Variants in COBL observed in about 807,000 individuals in gnomAD.
The protein encoded by COBL is protein cordon-bleu.
A neutral mutation model predicts 98.8 loss-of-function variants in COBL; 51 were observed. That is an observed-to-expected ratio of 0.52 (90% CI 0.41 to 0.65). The LOEUF (loss-of-function observed/expected upper bound fraction) is 0.65, where lower values mean the gene tolerates loss of function less well. Among genes scored for constraint, COBL ranks in the 30% least tolerant of loss-of-function variants. The pLI is 0.00. For synonymous variants in COBL, 634 were observed against 651.7 expected (o/e 0.97, Z 0.41); for missense variants, 1,617 against 1,617.5 (o/e 1.00, Z 0.01).
chr7:51,109,777 G>A (rs1002671503), intron 6 of COBL, among the ~76,000 whole-genome samples: 2 of 152,152 alleles, frequency 1.3e-5, no homozygotes, highest in Admixed American at 6.5e-5. Context: ...TGTATGTCTC[G>A]TGAGGGGAAG....
At chr7:51,291,747 C>A (rs1412509023) in intron 1 of COBL, among the ~76,000 whole-genome samples, 1 of 149,832 alleles carries the variant, frequency 6.7e-6, no homozygotes, top group Non-Finnish European at 1.5e-5. Flanking sequence ...GGCAACAAAT[C>A]GAGACTCCGT....
At chr7:51,289,616 A>T (rs1443836994) in intron 1 of COBL, among the ~76,000 whole-genome samples, 1 of 152,234 alleles carries the variant, frequency 6.6e-6, no homozygotes, top group Non-Finnish European at 1.5e-5. Flanking sequence ...CTCAGTCTCA[A>T]ACACTTCTGT....
At position 51,066,944 on chromosome 7, in the gene COBL, A is replaced by G. The variant is rs146940301; in HGVS notation, c.1096+18222T>C. Among the ~76,000 whole-genome samples the G allele has an allele frequency of 1.8e-3, 272 of 152,360 alleles. 1 individual carries two copies. Among genetic ancestry groups the G allele is most frequent in the African/African-American group, 6.3e-3 (262 of 41,576 alleles). On this transcript the variant is annotated intron_variant, in intron 7 of 12. Transcript: ENST00000265136. ...CTAACTATGGAAGACTATTCATTTA[A>G]ACAACTAACTGGCCATATTCTCTTT...
chr7:51,100,533 A>G (rs1795713912), intron 6 of COBL, among the ~76,000 whole-genome samples: 1 of 152,192 alleles, frequency 6.6e-6, no homozygotes, highest in South Asian at 2.1e-4. Flanking sequence ...CTGTAATAAT[A>G]ACGACATATT....
In COBL at chr7:51,193,494, T is replaced by A. The variant is rs756624787; in HGVS notation, c.341A>T (p.Gln114Leu). ...AGTATTTGGCTTAAAACTCAAAGGT[T>A]GTTGGGTTTCTGAAGACCGAATTTC... ...ALEIRSSETQ[Q>L]PLSFKPNTLI... The change falls in exon 3 of 13, where the codon CAA (glutamine) becomes CTA (leucine). Residue 114 changes from glutamine (Q) to leucine (L), a missense_variant. Physicochemically the swap from Gln to Leu is moderately radical, Grantham distance 113 (BLOSUM62 -2). Around this residue, in one of 3 missense-constraint regions of COBL, gnomAD observed 238 missense variants for 215.0 expected, o/e 1.11. Transcript: ENST00000265136. 1.9e-6 allele frequency: 3 copies of A among 1,614,204 alleles called. No homozygotes were observed. In the Admixed American group the frequency reaches 5.0e-5, roughly 27 times the overall value.
chr7:51,136,304 A>G lies in COBL; in HGVS notation c.811T>C (p.Ser271Pro), dbSNP rs142332711. The G allele has an allele frequency of 7.3e-5, 118 of 1,613,810 alleles. No individual in the cohort carries two copies. Among genetic ancestry groups the G allele is most frequent in the Non-Finnish European group, 9.7e-5 (115 of 1,180,000 alleles). ...KGCLTTPNSPSMHSRSLTLGP... is the reference protein window; with the variant it reads ...KGCLTTPNSPPMHSRSLTLGP... ...AGCGTAAGAGAACGTGAGTGCATGG[A>G]TGGGGAGTTGGGGGTCGTTAAACAG... The change falls in exon 6 of 13, where the codon TCC becomes CCC. Residue 271 changes from serine to proline, a missense_variant. This residue lies in a region of COBL where 1,304 missense variants were observed against 1,282.0 expected (regional missense o/e 1.02). Transcript: ENST00000265136.
At chr7:51,050,699 A>C (rs1359161121) in intron 7 of COBL, among the ~76,000 whole-genome samples, 2 of 152,234 alleles carry the variant, frequency 1.3e-5, no homozygotes, top group Non-Finnish European at 2.9e-5. Context: ...GGAAGAACTT[A>C]TCCACGGACT....
intron 9 of COBL, among the ~76,000 whole-genome samples, chr7:51,030,322 T>C (rs548510176): frequency 6.6e-6 from 1 of 152,356 alleles, no homozygotes; most frequent in Admixed American, 6.5e-5. Context: ...ACTGCAACTA[T>C]TTGCCATCTG....
chr7:51,293,950 G>A (rs1343562077), intron 1 of COBL, among the ~76,000 whole-genome samples: 3 of 152,094 alleles, frequency 2.0e-5, no homozygotes, highest in South Asian at 2.1e-4. Context: ...GTATATAAGT[G>A]ACAGGCACTC....
intron 6 of COBL, among the ~76,000 whole-genome samples, chr7:51,127,925 C>T (rs1798381130): frequency 6.6e-6 from 1 of 152,216 alleles, no homozygotes. Context: ...AAACAGAGTG[C>T]TCCCACGGTA....
At chr7:51,164,683 G>A (rs574388978) in intron 5 of COBL, among the ~76,000 whole-genome samples, 3 of 152,000 alleles carry the variant, frequency 2.0e-5, no homozygotes, top group Admixed American at 6.5e-5. Flanking sequence ...CAAAACTCAC[G>A]GGTAATAGTA....
chr7:51,064,137 T>A (rs552044564), intron 7 of COBL, among the ~76,000 whole-genome samples: 1 of 152,334 alleles, frequency 6.6e-6, no homozygotes, highest in African/African-American at 2.4e-5. Context: ...TGACAATTGA[T>A]CAGTGCATTC....
intron 4 of COBL, among the ~76,000 whole-genome samples, chr7:51,185,624 G>A (rs1258351822): frequency 1.3e-5 from 2 of 152,214 alleles, no homozygotes; most frequent in Non-Finnish European, 2.9e-5. Context: ...GGTGTTCCTG[G>A]AGGATAGAAA....
intron 5 of COBL, among the ~76,000 whole-genome samples, chr7:51,158,363 T>C (rs1032048754): frequency 1.3e-5 from 2 of 152,184 alleles, no homozygotes; most frequent in Admixed American, 1.3e-4. Flanking sequence ...ACCTACCGGA[T>C]GGCGGAAGGG....
At chr7:51,224,394 ACG>A (rs1793979175) in intron 1 of COBL, among the ~76,000 whole-genome samples, 1 of 151,990 alleles carries the variant, frequency 6.6e-6, no homozygotes, top group Non-Finnish European at 1.5e-5. Context: ...AATGTTCCAA[ACG>A]AGCCAAGCTT....
chr7:51,289,503 G>C (rs1233322648), intron 1 of COBL, among the ~76,000 whole-genome samples: 1 of 152,168 alleles, frequency 6.6e-6, no homozygotes, highest in African/African-American at 2.4e-5. Context: ...GAGCTCTGCC[G>C]GGCAGCAGGG....
At chr7:51,026,064 T>A (rs1787519973) in intron 11 of COBL, among the ~76,000 whole-genome samples, 1 of 152,178 alleles carries the variant, frequency 6.6e-6, no homozygotes. Flanking sequence ...AATGTACAAA[T>A]CACATTGCTC....
chr7:51,081,918 G>A (rs1439148878), intron 7 of COBL, among the ~76,000 whole-genome samples: 14 of 151,896 alleles, frequency 9.2e-5, no homozygotes, highest in African/African-American at 3.4e-4. Flanking sequence ...TGATTGATAA[G>A]CCTAACCCTT....
At chr7:51,087,983 TCCA>T (rs1353098266) in intron 6 of COBL, among the ~76,000 whole-genome samples, 1 of 152,074 alleles carries the variant, frequency 6.6e-6, no homozygotes, top group African/African-American at 2.4e-5. Context: ...AAGCCATTAC[TCCA>T]CTGTCTCCTA....
Sources: gnomAD v4.1 joint callset for allele counts (sites outside exome capture counted in the v4.1 genomes callset) on GRCh38, gnomAD v4.1.1 for gene constraint, gnomAD v4.1.1 regional missense constraint, MANE v1.5 for transcripts, NCBI Gene and HGNC (gene_info 2026-07-23, HGNC 2026-07-21) for gene names.